The following AP2B1 variants were observed in gnomAD, a reference collection of about 807,000 sequenced individuals.
AP2B1 encodes the protein adaptor related protein complex 2 subunit beta 1.
Under a neutral mutation model 102.0 loss-of-function variants are expected in AP2B1, and 23 were observed. That is an observed-to-expected ratio of 0.23 (90% confidence interval 0.16 to 0.32). The LOEUF (loss-of-function observed/expected upper bound fraction) is 0.32, where lower values mean the gene tolerates loss of function less well. Ranked by LOEUF, AP2B1 falls within the 10% of genes least tolerant of loss-of-function variation. The probability of loss-of-function intolerance (pLI) is 1.00; values close to 1 mark genes in which losing one functional copy is unlikely to be tolerated. For missense variants in AP2B1, 541 were observed against 1,157.4 expected (o/e 0.47, Z 7.73); for synonymous variants, 381 against 421.2 (o/e 0.90, Z 1.17).
At chr17:35,594,354 G>A (rs1244410470) in intron 2 of AP2B1, among the ~76,000 whole-genome samples, 2 of 152,166 alleles carry the variant, frequency 1.3e-5, no homozygotes, top group East Asian at 3.8e-4. Context: ...TAAGTGTGAG[G>A]AGGACAAAAG....
At chr17:35,608,031 G>A in intron 4 of AP2B1, 111 bp from the exon 5 acceptor site, 1 of 1,296,368 alleles carries the variant, frequency 7.7e-7, no homozygotes, top group Non-Finnish European at 1.1e-6. Context: ...CATGTAGAAT[G>A]TATCTGGAAG....
At chr17:35,598,439 A>G (rs1191142672) in intron 3 of AP2B1, 104 bp downstream of exon 3, 1 of 649,388 alleles carries the variant, frequency 1.5e-6, no homozygotes, top group East Asian at 2.8e-5. Context: ...AGAACCTCTA[A>G]GAATGGGTTT....
chr17:35,610,883 G>A (rs1420181375), intron 5 of AP2B1, among the ~76,000 whole-genome samples: 2 of 149,966 alleles, frequency 1.3e-5, no homozygotes, highest in Non-Finnish European at 1.5e-5. Flanking sequence ...TTCCAGCCTG[G>A]GTGACGGAGC....
intron 18 of AP2B1, 44 bp from the exon 19 acceptor site, chr17:35,709,180 G>T: frequency 2.0e-6 from 3 of 1,538,206 alleles, no homozygotes; most frequent in Non-Finnish European, 2.7e-6. Flanking sequence ...CTCCTACCTG[G>T]CTCCCTGCGA....
intron 18 of AP2B1, among the ~76,000 whole-genome samples, chr17:35,697,709 T>C (rs587740229): frequency 4.6e-5 from 7 of 152,358 alleles, no homozygotes; most frequent in African/African-American, 1.4e-4. Context: ...ACGCCTGTAA[T>C]CCCAGCACTT....
chr17:35,656,840 G>C (rs1434518223), intron 13 of AP2B1, among the ~76,000 whole-genome samples: 1 of 149,852 alleles, frequency 6.7e-6, no homozygotes, highest in East Asian at 2.0e-4. Context: ...AGCCGAGATG[G>C]CGCCACTGCA....
Position 35,714,059 on chromosome 17 carries a change from A to G in AP2B1, c.2627-3136A>G, listed in dbSNP as rs587765247. On this transcript the variant is annotated intron_variant, in intron 20 of 21. Coordinates refer to ENST00000610402, the MANE Select transcript of AP2B1 (RefSeq NM_001030006.2). ...AGGAATCTTTGTGACGAACAGTTCT[A>G]CAAACCAGTTTTTTAAATTAAGTGT... is the stretch of plus-strand genomic sequence containing the variant. Among the ~76,000 whole-genome samples, 4 of 152,356 alleles carry G rather than the reference A, an allele frequency of 2.6e-5. No individual in the cohort carries two copies. In the East Asian group the frequency reaches 5.8e-4, roughly 22 times the overall value.
chr17:35,656,793 G>A (rs2075236832), intron 13 of AP2B1, among the ~76,000 whole-genome samples: 1 of 150,874 alleles, frequency 6.6e-6, no homozygotes, highest in Non-Finnish European at 1.5e-5. Flanking sequence ...GCTGAGGCAG[G>A]AGAATGGCGT....
At chr17:35,654,089 T>A (rs1437106771) in intron 13 of AP2B1, among the ~76,000 whole-genome samples, 4 of 151,960 alleles carry the variant, frequency 2.6e-5, no homozygotes, top group Non-Finnish European at 5.9e-5. Context: ...TGAGATGTAG[T>A]CTCGCTCTGT....
chr17:35,648,672 G>T (rs2075006062), intron 12 of AP2B1, among the ~76,000 whole-genome samples: 1 of 151,882 alleles, frequency 6.6e-6, no homozygotes, highest in Admixed American at 6.6e-5. Context: ...GAAAAGTGCA[G>T]TCGTATATAT....
At chr17:35,707,094 G>A (rs768488993) in intron 18 of AP2B1, among the ~76,000 whole-genome samples, 55 of 152,206 alleles carry the variant, frequency 3.6e-4, no homozygotes, top group Non-Finnish European at 6.5e-4. Context: ...GGAAGCCCAC[G>A]GCTGGCATCA....
intron 5 of AP2B1, among the ~76,000 whole-genome samples, chr17:35,618,716 C>CT (rs34156177): frequency 6.6e-6 from 1 of 151,728 alleles, no homozygotes; most frequent in Admixed American, 6.6e-5. Context: ...TTTGAGAGTC[C>CT]TTTTTTTTAC....
At chr17:35,599,682 T>C (rs1223391399) in intron 3 of AP2B1, among the ~76,000 whole-genome samples, 3 of 152,094 alleles carry the variant, frequency 2.0e-5, no homozygotes, top group African/African-American at 7.2e-5. Flanking sequence ...GGCAGGCGGA[T>C]CACTTGAGGG....
At chr17:35,633,572 C>A (rs1328812505) in intron 9 of AP2B1, among the ~76,000 whole-genome samples, 2 of 152,124 alleles carry the variant, frequency 1.3e-5, no homozygotes, top group Non-Finnish European at 2.9e-5. Context: ...TAGTCATCAT[C>A]CATCTTGAGC....
At chr17:35,695,359 A>G (rs918935611) in intron 18 of AP2B1, among the ~76,000 whole-genome samples, 2 of 152,162 alleles carry the variant, frequency 1.3e-5, no homozygotes, top group Admixed American at 6.5e-5. Flanking sequence ...GCTACCCAGG[A>G]GTAGGAACAG....
At chr17:35,701,809 G>A (rs2076244540) in intron 18 of AP2B1, among the ~76,000 whole-genome samples, 2 of 152,100 alleles carry the variant, frequency 1.3e-5, no homozygotes, top group Non-Finnish European at 2.9e-5. Flanking sequence ...TAGAGACAAG[G>A]TCTCACTTAG....
chr17:35,701,100 G>T (rs1039398138), intron 18 of AP2B1, among the ~76,000 whole-genome samples: 1 of 152,136 alleles, frequency 6.6e-6, no homozygotes, highest in African/African-American at 2.4e-5. Flanking sequence ...GCTTGCTTTA[G>T]TGTGTGTGTA....
At chr17:35,718,028 A>G (rs1243102604) in intron 21 of AP2B1, among the ~76,000 whole-genome samples, 1 of 152,198 alleles carries the variant, frequency 6.6e-6, no homozygotes, top group Non-Finnish European at 1.5e-5. Flanking sequence ...TGTCATCTGC[A>G]TTTTGAAAAG....
chr17:35,717,868 T>C (rs1276508022), intron 21 of AP2B1, among the ~76,000 whole-genome samples: 1 of 152,216 alleles, frequency 6.6e-6, no homozygotes, highest in Non-Finnish European at 1.5e-5. Flanking sequence ...AAGGGGACTT[T>C]AGTTTGGGAA....
Sources: allele counts gnomAD v4.1 joint callset (sites outside exome capture counted in the v4.1 genomes callset), GRCh38; gene constraint gnomAD v4.1.1; transcripts MANE v1.5; gene names NCBI Gene and HGNC (gene_info 2026-07-23, HGNC 2026-07-21).